PIGU: variants seen among roughly 807,000 people sequenced by gnomAD.
PIGU encodes GPI-anchor transamidase component PIGU.
A neutral mutation model predicts 49.9 loss-of-function variants in PIGU; 24 were observed. That is an observed-to-expected ratio of 0.48 (90% CI 0.35 to 0.68). The LOEUF (loss-of-function observed/expected upper bound fraction) is 0.68, where lower values mean the gene tolerates loss of function less well. Ranked by LOEUF, PIGU falls within the 30% of genes least tolerant of loss-of-function variation. PIGU has a pLI of 0.01. For missense variants in PIGU, 490 were observed against 532.6 expected, an observed-to-expected ratio of 0.92 and a Z score of 0.79; for synonymous variants, 220 against 205.7, an observed-to-expected ratio of 1.07 and a Z score of -0.59.
At chr20:34,566,236 C>T (rs971947598) in intron 11 of PIGU, among the ~76,000 whole-genome samples, 4 of 152,220 alleles carry the variant, frequency 2.6e-5, no homozygotes, top group Non-Finnish European at 5.9e-5. Context: ...TTACATGGAC[C>T]CTGAAGTGAA....
chr20:34,590,920 C>T (rs932563026), intron 7 of PIGU, among the ~76,000 whole-genome samples: 2 of 151,786 alleles, frequency 1.3e-5, no homozygotes, highest in African/African-American at 4.8e-5. Context: ...ACTCAGGAGG[C>T]TGAGGCAGGA....
At chr20:34,662,782 T>G (rs1260155872) in intron 1 of PIGU, among the ~76,000 whole-genome samples, 1 of 152,238 alleles carries the variant, frequency 6.6e-6, no homozygotes, top group Non-Finnish European at 1.5e-5. Context: ...AAAATAAATA[T>G]TTAAATGTTC....
At chr20:34,626,092 C>T (rs1985478706) in intron 6 of PIGU, among the ~76,000 whole-genome samples, 1 of 151,506 alleles carries the variant, frequency 6.6e-6, no homozygotes, top group African/African-American at 2.4e-5. Flanking sequence ...TTTTACTTAA[C>T]CACTCCTCTC....
At chr20:34,619,352 A>G (rs1985122451) in intron 6 of PIGU, among the ~76,000 whole-genome samples, 1 of 152,180 alleles carries the variant, frequency 6.6e-6, no homozygotes, top group Non-Finnish European at 1.5e-5. Flanking sequence ...GTAGTAGGAA[A>G]GGTGCTGTTC....
intron 4 of PIGU, among the ~76,000 whole-genome samples, chr20:34,639,785 G>A (rs1986091488): frequency 6.6e-6 from 1 of 152,180 alleles, no homozygotes; most frequent in South Asian, 2.1e-4. Context: ...TCTCACAGTT[G>A]GCAGAGTCCA....
At chr20:34,630,882 C>A (rs1985681933) in intron 6 of PIGU, among the ~76,000 whole-genome samples, 1 of 152,008 alleles carries the variant, frequency 6.6e-6, no homozygotes, top group Non-Finnish European at 1.5e-5. Context: ...TGGCCTCAAG[C>A]AATCCTCCCA....
intron 2 of PIGU, among the ~76,000 whole-genome samples, chr20:34,646,408 T>G (rs2146772709): frequency 6.6e-6 from 1 of 152,316 alleles, no homozygotes; most frequent in South Asian, 2.1e-4. Flanking sequence ...ACACGAGTTT[T>G]GATACGTTGG....
rs1272958498 is a variant in PIGU, at chr20:34,622,988, G to A, written c.530-6849C>T. The stretch of plus-strand genomic sequence containing the variant: ...GGCCAAAAGCCTCAGCAAGACCGGG[G>A]GTAATACTTTGCCTCCAGGGACTGC... On this transcript the variant is annotated intron_variant, in intron 6 of 11. Transcript: ENST00000217446. Among the ~76,000 whole-genome samples, 3 of 152,186 alleles carry A rather than the reference G, an allele frequency of 2.0e-5. No individual in the cohort carries two copies. In the East Asian group the frequency reaches 5.8e-4, roughly 29 times the overall value.
chr20:34,603,598 G>C (rs1371776092), intron 7 of PIGU, among the ~76,000 whole-genome samples: 2 of 151,878 alleles, frequency 1.3e-5, no homozygotes, highest in Non-Finnish European at 2.9e-5. Context: ...ATCCCTCTTT[G>C]GTCAGTGGGA....
At chr20:34,590,636 C>CATA (rs1307041299) in intron 7 of PIGU, among the ~76,000 whole-genome samples, 92 of 150,682 alleles carry the variant, frequency 6.1e-4, no homozygotes, top group African/African-American at 1.7e-3. Flanking sequence ...CATAACATAA[C>CATA]ACAACAACAA....
intron 4 of PIGU, among the ~76,000 whole-genome samples, chr20:34,640,659 TA>T (rs1986131054): frequency 6.6e-6 from 1 of 152,164 alleles, no homozygotes. Flanking sequence ...CAGGAGAGAT[TA>T]AAAGTGATGT....
At chr20:34,615,901 A>C in intron 7 of PIGU, 141 bp downstream of exon 7, 2 of 1,357,256 alleles carry the variant, frequency 1.5e-6, no homozygotes, top group Non-Finnish European at 9.6e-7. Flanking sequence ...AAGTTAGTCA[A>C]GTTTCTATGT....
At chr20:34,660,531 G>A (rs1484322573) in intron 1 of PIGU, among the ~76,000 whole-genome samples, 3 of 152,210 alleles carry the variant, frequency 2.0e-5, no homozygotes, top group Admixed American at 6.5e-5. Context: ...GTTGCAATGA[G>A]CCAAGATTGT....
intron 10 of PIGU, among the ~76,000 whole-genome samples, chr20:34,579,886 C>T (rs1199222535): frequency 2.0e-5 from 3 of 152,206 alleles, no homozygotes; most frequent in Non-Finnish European, 4.4e-5. Flanking sequence ...GTGAGAGACT[C>T]CCCTGCATAA....
At chr20:34,595,618 G>C (rs888479074) in intron 7 of PIGU, among the ~76,000 whole-genome samples, 1 of 152,140 alleles carries the variant, frequency 6.6e-6, no homozygotes, top group African/African-American at 2.4e-5. Context: ...CTGACTCTTA[G>C]AACCACAGTA....
intron 1 of PIGU, among the ~76,000 whole-genome samples, chr20:34,674,699 G>C (rs141529988): frequency 0.01 from 1,566 of 152,128 alleles, 30 homozygotes; most frequent in African/African-American, 0.035. Flanking sequence ...GACCCAGATG[G>C]GCGGATCACT....
chr20:34,658,762 G>C (rs1463076504), intron 1 of PIGU, among the ~76,000 whole-genome samples: 1 of 143,614 alleles, frequency 7.0e-6, no homozygotes, highest in South Asian at 2.3e-4. Flanking sequence ...CCCGGCAGCC[G>C]CCCCGTCTGA....
At chr20:34,563,187 C>T (rs1395656778) in intron 11 of PIGU, among the ~76,000 whole-genome samples, 2 of 152,154 alleles carry the variant, frequency 1.3e-5, no homozygotes, top group African/African-American at 4.8e-5. Context: ...GAAGTACCAA[C>T]AGAAATAACA....
chr20:34,627,230 A>G (rs533203469), intron 6 of PIGU, among the ~76,000 whole-genome samples: 1 of 152,324 alleles, frequency 6.6e-6, no homozygotes, highest in East Asian at 1.9e-4. Flanking sequence ...GAGTGATGAA[A>G]GACTTCCTTT....
Sources: gnomAD v4.1 joint callset for allele counts (sites outside exome capture counted in the v4.1 genomes callset) on GRCh38, gnomAD v4.1.1 for gene constraint, MANE v1.5 for transcripts, NCBI Gene and HGNC (gene_info 2026-07-23, HGNC 2026-07-21) for gene names.